PDE1C: variants seen among roughly 807,000 people sequenced by gnomAD.
PDE1C encodes dual specificity calcium/calmodulin-dependent 3',5'-cyclic nucleotide phosphodiesterase 1C.
In PDE1C, 62 loss-of-function variants were observed where a neutral mutation model predicts 93.1. The observed-to-expected ratio is 0.67, with a 90% confidence interval of 0.54 to 0.82. The LOEUF (loss-of-function observed/expected upper bound fraction) is 0.82. Ranked by LOEUF, PDE1C falls within the 40% of genes least tolerant of loss-of-function variation. PDE1C has a pLI of 0.00. For missense variants in PDE1C, 742 were observed against 884.6 expected (o/e 0.84, Z 2.04); for synonymous variants, 325 against 310.1 (o/e 1.05, Z -0.50).
chr7:31,813,044 A>T (rs1306947842), intron 15 of PDE1C, among the ~76,000 whole-genome samples: 1 of 152,144 alleles, frequency 6.6e-6, no homozygotes, highest in African/African-American at 2.4e-5. Context: ...TTTAATGTAG[A>T]TAGAATCTCA....
At chr7:31,680,605 T>C in the PDE1C span, among the ~76,000 whole-genome samples, 1 of 152,066 alleles carries the variant, frequency 6.6e-6, no homozygotes, top group Non-Finnish European at 1.5e-5. Context: ...GAGAACACAG[T>C]GGGAATTTAA....
intron 2 of PDE1C, among the ~76,000 whole-genome samples, chr7:31,945,947 T>C (rs1016744153): frequency 2.0e-5 from 3 of 152,200 alleles, no homozygotes; most frequent in Admixed American, 6.5e-5. Flanking sequence ...CCTTGGATAG[T>C]TGATTTCACT....
chr7:32,261,990 A>T (rs370293108), intron 1 of PDE1C, among the ~76,000 whole-genome samples: 2 of 145,434 alleles, frequency 1.4e-5, no homozygotes, highest in African/African-American at 2.5e-5. Context: ...GGCTCACACC[A>T]GGGGTTGCTT....
chr7:31,989,401 A>C (rs1783876434), intron 2 of PDE1C, among the ~76,000 whole-genome samples: 1 of 152,142 alleles, frequency 6.6e-6, no homozygotes, highest in Admixed American at 6.5e-5. Context: ...CCACCATCAA[A>C]CCCAGAACAT....
At chr7:31,639,297 CTA>C in the PDE1C span, among the ~76,000 whole-genome samples, 1 of 152,008 alleles carries the variant, frequency 6.6e-6, no homozygotes, top group Non-Finnish European at 1.5e-5. Context: ...TTTTAAATCT[CTA>C]TGTTTCATTT....
At chr7:32,074,319 C>T (rs570090239), upstream of PDE1C, among the ~76,000 whole-genome samples, 2 of 152,330 alleles carry the variant, frequency 1.3e-5, no homozygotes, top group South Asian at 2.1e-4. Flanking sequence ...ACAATAACCA[C>T]ATCTACCACC....
chr7:31,870,216 A>G (rs925995219), intron 6 of PDE1C, among the ~76,000 whole-genome samples: 8 of 151,958 alleles, frequency 5.3e-5, no homozygotes, highest in Admixed American at 3.3e-4. Flanking sequence ...TATCAAACCA[A>G]ACTGAAATTA....
Position 31,864,823 on chromosome 7 carries a change from G to C in PDE1C, c.750+119C>G, listed in dbSNP as rs997884607. On this transcript the variant is annotated intron_variant, in intron 7 of 17. Transcript: ENST00000396191. The stretch of plus-strand genomic sequence containing the variant: ...TTGGTTAGATTACTCCTGGGAAACA[G>C]GAAGTCCATAAAACAATGCATGACT... The C allele has an allele frequency of 2.8e-5, 26 of 928,648 alleles. No individual in the cohort carries two copies. The African/African-American group carries it at 4.1e-4, about 15-fold the overall frequency. 57.5% of individuals were successfully genotyped at this position (928,648 alleles called of 1,614,324 possible). A position where few individuals can be genotyped will look rare whatever the true frequency, so the allele number is the denominator to read the frequency against.
chr7:31,868,658 G>T lies in PDE1C; in HGVS notation c.610-3576C>A, dbSNP rs930397552. ...AATACTAGTGGAAAAATTCCCAAACGTAGCAATAGACTTAGACACCCAGAC... is the reference window on the plus strand; with the variant it reads ...AATACTAGTGGAAAAATTCCCAAACTTAGCAATAGACTTAGACACCCAGAC... On this transcript the variant is annotated intron_variant, in intron 6 of 17. Transcript: ENST00000396191. Among the ~76,000 whole-genome samples the T allele has an allele frequency of 2.0e-5, 3 of 152,182 alleles. No individual in the cohort carries two copies. The East Asian group carries it at 5.8e-4, about 29-fold the overall frequency.
chr7:31,707,451 G>T, the PDE1C span: 2 of 587,988 alleles, frequency 3.4e-6, no homozygotes, highest in Non-Finnish European at 6.0e-6. Flanking sequence ...TCACCTCTTT[G>T]TCTCTCTCTT....
chr7:31,798,375 C>T (rs1262798696), intron 16 of PDE1C, among the ~76,000 whole-genome samples: 6 of 151,614 alleles, frequency 4.0e-5, no homozygotes, highest in East Asian at 3.9e-4. Context: ...TCACATATCC[C>T]GAGCTCCCAG....
At chr7:31,797,367 G>T (rs990296057) in intron 16 of PDE1C, among the ~76,000 whole-genome samples, 1 of 151,714 alleles carries the variant, frequency 6.6e-6, no homozygotes, top group Non-Finnish European at 1.5e-5. Context: ...CTAGACCTAA[G>T]AAATATTATC....
intron 16 of PDE1C, among the ~76,000 whole-genome samples, chr7:31,782,219 ACACT>A (rs1186274962): frequency 3.3e-5 from 5 of 152,242 alleles, no homozygotes; most frequent in African/African-American, 7.2e-5. Flanking sequence ...AGTTAAAAAA[ACACT>A]CACAAGAAAA....
the PDE1C span, chr7:31,692,593 G>A: frequency 6.2e-6 from 9 of 1,460,126 alleles, no homozygotes; most frequent in South Asian, 1.0e-4. Flanking sequence ...CATTTGGTTT[G>A]CAGGCAAGTC....
At chr7:32,103,305 G>A (rs1798127100) in intron 3 of PDE1C, among the ~76,000 whole-genome samples, 1 of 152,130 alleles carries the variant, frequency 6.6e-6, no homozygotes, top group Non-Finnish European at 1.5e-5. Flanking sequence ...CTAAATAAGA[G>A]TTTGTTGATT....
chr7:31,896,721 G>T (rs1170540193), intron 2 of PDE1C, among the ~76,000 whole-genome samples: 1 of 152,186 alleles, frequency 6.6e-6, no homozygotes, highest in Non-Finnish European at 1.5e-5. Context: ...AGAAACCAAG[G>T]TCTGACTTTA....
the PDE1C span, among the ~76,000 whole-genome samples, chr7:31,665,030 C>G: frequency 6.6e-6 from 1 of 152,198 alleles, no homozygotes; most frequent in African/African-American, 2.4e-5. Context: ...GTTACATGAC[C>G]TGACCTTGCA....
chr7:31,726,408 C>CT, the PDE1C span, among the ~76,000 whole-genome samples: 1 of 152,074 alleles, frequency 6.6e-6, no homozygotes, highest in Admixed American at 6.6e-5. Context: ...TGTATTATGG[C>CT]TTTTAAAATT....
chr7:31,937,130 G>T (rs567135409), intron 2 of PDE1C, among the ~76,000 whole-genome samples: 3 of 152,190 alleles, frequency 2.0e-5, no homozygotes, highest in African/African-American at 7.2e-5. Context: ...TGTAGACAAA[G>T]CCTCCCTGTA....
Sources: allele counts gnomAD v4.1 joint callset (sites outside exome capture counted in the v4.1 genomes callset), GRCh38; gene constraint gnomAD v4.1.1; transcripts MANE v1.5; gene names NCBI Gene and HGNC (gene_info 2026-07-23, HGNC 2026-07-21).